KALRN: variants seen among roughly 807,000 people sequenced by gnomAD.
KALRN encodes kalirin.
KALRN carries 70 observed loss-of-function variants against 353.7 expected under a neutral mutation model. The ratio of observed to expected loss-of-function variants is 0.20; its 90% CI spans 0.16 to 0.24. The LOEUF (loss-of-function observed/expected upper bound fraction) is 0.24, where lower values mean the gene tolerates loss of function less well. Ranked by LOEUF, KALRN falls within the 10% of genes least tolerant of loss-of-function variation. KALRN has a pLI of 1.00. For missense variants in KALRN, 2,791 were observed against 3,756.7 expected, an observed-to-expected ratio of 0.74 and a Z score of 6.72; for synonymous variants, 1,391 against 1,434.8, an observed-to-expected ratio of 0.97 and a Z score of 0.69.
rs756844271 is a variant in KALRN at position 124,702,033 on chromosome 3, C to T, written c.7997-5C>T. ...TATTGTAAATGGATTCTCTTTCTTC[C>T]GAAGATGCTGCTGCTGATGGTGCCA... On this transcript the variant is annotated splice_polypyrimidine_tract_variant and splice_region_variant and intron_variant, in intron 56 of 59. Transcript: ENST00000682506. 19 of 1,611,316 alleles carry T rather than the reference C, an allele frequency of 1.2e-5. No individual in the cohort carries two copies. The highest frequency in any genetic ancestry group is 1.6e-4 in the Middle Eastern group (1 of 6,078).
At chr3:124,235,063 T>G (rs1385594074) in intron 3 of KALRN, 120 bp downstream of exon 3, 2 of 671,858 alleles carry the variant, frequency 3.0e-6, no homozygotes, top group African/African-American at 3.6e-5. Flanking sequence ...CAGTGGATTC[T>G]AACCATTCCT....
At chr3:124,668,379 T>C (rs2085943379) in intron 47 of KALRN, among the ~76,000 whole-genome samples, 2 of 152,234 alleles carry the variant, frequency 1.3e-5, no homozygotes, top group African/African-American at 4.8e-5. Context: ...CTGGGCCTTG[T>C]GGCTGGTTTT....
chr3:124,629,834 C>G lies in KALRN; in HGVS notation c.5183-2586C>G, dbSNP rs552273744. Among the ~76,000 whole-genome samples the G allele has an allele frequency of 1.8e-4, 27 of 151,160 alleles. 1 individual carries two copies. Among genetic ancestry groups the G allele is most frequent in the African/African-American group, 6.5e-4 (27 of 41,328 alleles). On this transcript the variant is annotated intron_variant, in intron 34 of 59. Coordinates refer to ENST00000682506, the MANE Select transcript of KALRN (RefSeq NM_001388419.1). ...TCTCTGTCTCTCTCTCTCTCTGCTT[C>G]TCTCTATTGTGTATGGATATCTATG...
At position 124,178,976 on chromosome 3, in the gene KALRN, A is replaced by G. The variant is rs553819376; in HGVS notation, c.74-49014A>G. 3.9e-5 allele frequency among the ~76,000 whole-genome samples: 6 copies of G among 152,234 alleles called. No individual in the cohort carries two copies. In the South Asian group the frequency reaches 1.2e-3, roughly 32 times the overall value. ...TAAAAAATTAGCTGGGTATGGGGGCACACACCTGTAGCCCCAGCTACTTGA... is the reference window on the plus strand; with the variant it reads ...TAAAAAATTAGCTGGGTATGGGGGCGCACACCTGTAGCCCCAGCTACTTGA... On this transcript the variant is annotated intron_variant, in intron 1 of 59. Coordinates refer to ENST00000682506, the MANE Select transcript of KALRN (RefSeq NM_001388419.1).
intron 3 of KALRN, among the ~76,000 whole-genome samples, chr3:124,254,113 G>C (rs191784070): frequency 6.6e-6 from 1 of 152,292 alleles, no homozygotes; most frequent in African/African-American, 2.4e-5. Flanking sequence ...TTATTCCTGA[G>C]TTAGGGGTTT....
chr3:124,256,853 C>A (rs1451955039), intron 3 of KALRN, among the ~76,000 whole-genome samples: 1 of 152,164 alleles, frequency 6.6e-6, no homozygotes, highest in Non-Finnish European at 1.5e-5. Flanking sequence ...GATTTCATGG[C>A]AACTTAGAGA....
rs34633708 is a variant in KALRN, at chr3:124,146,874, C to CAAAAAAAAAAAAAAAAAAAAAAA, written c.74-81096_74-81095insAAAAAAAAAAAAAAAAAAAAAAA. 3.6e-3 allele frequency among the ~76,000 whole-genome samples: 180 copies of CAAAAAAAAAAAAAAAAAAAAAAA among 49,786 alleles called. 2 individuals are homozygous for CAAAAAAAAAAAAAAAAAAAAAAA. Among genetic ancestry groups the CAAAAAAAAAAAAAAAAAAAAAAA allele is most frequent in the Non-Finnish European group, 4.9e-3 (141 of 29,024 alleles). 32.7% of individuals were successfully genotyped at this position (49,786 alleles called of 152,430 possible). A position where few individuals can be genotyped will look rare whatever the true frequency, so the allele number is the denominator to read the frequency against. On this transcript the variant is annotated intron_variant, in intron 1 of 59. Coordinates refer to ENST00000682506, the MANE Select transcript of KALRN (RefSeq NM_001388419.1). ...CCTGGGCAATAGAGCGACTCTGTCT[C>CAAAAAAAAAAAAAAAAAAAAAAA]AAAAAAAAAAAAAAAAAAAAGAAAA...
intron 12 of KALRN, 52 bp downstream of exon 12, chr3:124,395,395 A>G (rs1002227856): frequency 1.8e-5 from 26 of 1,469,394 alleles, no homozygotes; most frequent in South Asian, 2.4e-5. Context: ...TAGACGTGAG[A>G]TAAGTCCTGT....
At chr3:124,094,546 C>T in intron 1 of KALRN, 1 of 464,650 alleles carries the variant, frequency 2.2e-6, no homozygotes, top group East Asian at 3.8e-5. Context: ...CGCGTCTTTG[C>T]GAAAACCCTT....
intron 37 of KALRN, among the ~76,000 whole-genome samples, chr3:124,646,627 G>T (rs2082775523): frequency 6.6e-6 from 1 of 151,286 alleles, no homozygotes; most frequent in Non-Finnish European, 1.5e-5. Context: ...CTGACCTCAG[G>T]TTATCTGCCC....
chr3:124,456,808 C>T (rs970650085), intron 23 of KALRN, 80 bp downstream of exon 23: 12 of 915,140 alleles, frequency 1.3e-5, no homozygotes, highest in Non-Finnish European at 1.9e-5. Context: ...CTTTGGATAG[C>T]TTAATATGTT....
intron 1 of KALRN, among the ~76,000 whole-genome samples, chr3:124,085,407 G>T (rs1320186): frequency 0.6 from 91,137 of 152,050 alleles, 30,252 homozygotes; most frequent in Non-Finnish European, 0.76. Context: ...AGGAGTTGAG[G>T]TTCTTCCTGA....
intron 33 of KALRN, among the ~76,000 whole-genome samples, chr3:124,506,062 C>T (rs142149173): frequency 6.6e-5 from 10 of 152,234 alleles, no homozygotes; most frequent in African/African-American, 1.7e-4. Context: ...GCTAAAAAGC[C>T]GGCTTTGTCA....
At chr3:124,395,792 A>G (rs1360373459) in intron 12 of KALRN, among the ~76,000 whole-genome samples, 1 of 152,184 alleles carries the variant, frequency 6.6e-6, no homozygotes, top group Non-Finnish European at 1.5e-5. Flanking sequence ...CTTTGGACCC[A>G]TGAAGACATA....
At chr3:124,352,713 A>G (rs190546577) in intron 10 of KALRN, among the ~76,000 whole-genome samples, 118 of 152,140 alleles carry the variant, frequency 7.8e-4, no homozygotes, top group African/African-American at 2.8e-3. Flanking sequence ...CACACTTTAA[A>G]AAAATCATTC....
chr3:124,460,007 C>CT (rs756759982), intron 23 of KALRN, among the ~76,000 whole-genome samples: 2 of 152,166 alleles, frequency 1.3e-5, no homozygotes, highest in African/African-American at 2.4e-5. Context: ...TTGATTCCTT[C>CT]TGAGGGCAGT....
At chr3:124,282,515 T>C (rs2075452665) in intron 5 of KALRN, among the ~76,000 whole-genome samples, 1 of 152,012 alleles carries the variant, frequency 6.6e-6, no homozygotes, top group Non-Finnish European at 1.5e-5. Flanking sequence ...GTAACTGGGA[T>C]TACAGGCATG....
chr3:124,092,700 G>T (rs1412914748), intron 1 of KALRN, among the ~76,000 whole-genome samples: 2 of 152,366 alleles, frequency 1.3e-5, no homozygotes, highest in Non-Finnish European at 1.5e-5. Flanking sequence ...GGAGGAGACA[G>T]ATGGGCACCT....
chr3:124,056,676 G>A lies in KALRN; in HGVS notation c.73+22863G>A, dbSNP rs557458332. Among the ~76,000 whole-genome samples the A allele has an allele frequency of 4.2e-3, 643 of 152,204 alleles. 4 individuals carry two copies. The highest frequency in any genetic ancestry group is 0.015 in the African/African-American group (608 of 41,544). Reference sequence around the variant, plus strand: ...TGTTCTCAGACATGACACACAAAACGTACAACAACCTGCCACTGGCTGGTA... The same window carrying A: ...TGTTCTCAGACATGACACACAAAACATACAACAACCTGCCACTGGCTGGTA... On this transcript the variant is annotated intron_variant, in intron 1 of 59. Transcript: ENST00000682506.
Sources: allele counts gnomAD v4.1 joint callset (sites outside exome capture counted in the v4.1 genomes callset), GRCh38; gene constraint gnomAD v4.1.1; transcripts MANE v1.5; gene names NCBI Gene and HGNC (gene_info 2026-07-23, HGNC 2026-07-21).